Variants in SLC25A21 observed in about 807,000 individuals in gnomAD.
The protein encoded by SLC25A21 is mitochondrial 2-oxodicarboxylate carrier.
A neutral mutation model predicts 43.8 loss-of-function variants in SLC25A21; 47 were observed. The observed-to-expected ratio is 1.07, with a 90% confidence interval of 0.85 to 1.37. The LOEUF is 1.37. Ranked by LOEUF, SLC25A21 falls within the 40% of genes most tolerant of loss-of-function variation. The pLI, the probability that SLC25A21 is intolerant of heterozygous loss-of-function variation, is 0.00. For missense variants in SLC25A21, 352 were observed against 350.2 expected (o/e 1.00, Z -0.04); for synonymous variants, 131 against 121.3 (o/e 1.08, Z -0.52).
chr14:37,053,190 A>C (rs1332705429), intron 1 of SLC25A21, among the ~76,000 whole-genome samples: 1 of 152,228 alleles, frequency 6.6e-6, no homozygotes, highest in African/African-American at 2.4e-5. Flanking sequence ...AAAATAGAGT[A>C]ACATTTAAGA....
At chr14:37,157,909 C>A (rs1448785636) in intron 1 of SLC25A21, among the ~76,000 whole-genome samples, 4 of 152,006 alleles carry the variant, frequency 2.6e-5, no homozygotes, top group Non-Finnish European at 5.9e-5. Context: ...TGAAACATTA[C>A]AACTGATACA....
At chr14:37,117,222 T>G (rs1361561382) in intron 1 of SLC25A21, among the ~76,000 whole-genome samples, 1 of 152,172 alleles carries the variant, frequency 6.6e-6, no homozygotes, top group Non-Finnish European at 1.5e-5. Context: ...GGAGTCTAAG[T>G]AAATAATTCC....
intron 3 of SLC25A21, among the ~76,000 whole-genome samples, chr14:36,750,026 T>C (rs1483119070): frequency 6.6e-6 from 1 of 152,158 alleles, no homozygotes; most frequent in Admixed American, 6.5e-5. Flanking sequence ...TTTACTGATG[T>C]CTCCCCAGGA....
intron 1 of SLC25A21, among the ~76,000 whole-genome samples, chr14:37,067,555 G>A (rs1414452442): frequency 6.6e-6 from 1 of 152,074 alleles, no homozygotes; most frequent in African/African-American, 2.4e-5. Context: ...TATACTACAA[G>A]CGGAAGGAAA....
chr14:36,754,442 C>T (rs1319327694), intron 3 of SLC25A21, among the ~76,000 whole-genome samples: 1 of 152,008 alleles, frequency 6.6e-6, no homozygotes, highest in Non-Finnish European at 1.5e-5. Context: ...CTTCCAAGTA[C>T]ATTAAAGGGG....
At chr14:37,000,993 C>T (rs1461713091) in intron 1 of SLC25A21, among the ~76,000 whole-genome samples, 1 of 152,152 alleles carries the variant, frequency 6.6e-6, no homozygotes, top group Non-Finnish European at 1.5e-5. Context: ...TGAAAACAAA[C>T]TAATACACCT....
At chr14:36,869,762 C>T (rs531679369) in intron 2 of SLC25A21, among the ~76,000 whole-genome samples, 5 of 152,178 alleles carry the variant, frequency 3.3e-5, no homozygotes, top group African/African-American at 1.2e-4. Context: ...ACAGTGGGAC[C>T]CTCCCACACA....
In SLC25A21 at chr14:37,067,499, A is replaced by AT. The variant is rs200650429; in HGVS notation, c.70+104781dup. ...AGCATGTTTTCAGACAAATAAAGAG[A>AT]TTTTTTTTCTATCATCGGACCCTGA... On this transcript the variant is annotated intron_variant, in intron 1 of 9. Transcript: ENST00000331299. 2.0e-3 allele frequency among the ~76,000 whole-genome samples: 298 copies of AT among 152,140 alleles called. 2 individuals carry two copies. The highest frequency in any genetic ancestry group is 6.7e-3 in the African/African-American group (277 of 41,518).
At chr14:36,896,549 T>C (rs953632582) in intron 1 of SLC25A21, among the ~76,000 whole-genome samples, 1 of 152,208 alleles carries the variant, frequency 6.6e-6, no homozygotes, top group Non-Finnish European at 1.5e-5. Context: ...CATTTAAGGT[T>C]AATATTATGT....
intron 3 of SLC25A21, among the ~76,000 whole-genome samples, chr14:36,735,892 ATCAAATTATTC>A (rs1281991099): frequency 7.0e-6 from 1 of 141,874 alleles, no homozygotes; most frequent in Non-Finnish European, 1.5e-5. Context: ...GAAGAAAGGG[ATCAAATTATTC>A]TCTGATATGG....
chr14:37,158,991 T>A (rs1963894879), intron 1 of SLC25A21, among the ~76,000 whole-genome samples: 1 of 151,872 alleles, frequency 6.6e-6, no homozygotes, highest in Non-Finnish European at 1.5e-5. Flanking sequence ...ACTATAGCTA[T>A]AAAACATATA....
chr14:36,764,086 AGG>A lies in SLC25A21; in HGVS notation c.204-29515_204-29514del, dbSNP rs1886283957. Among the ~76,000 whole-genome samples, 13 of 51,818 alleles carry A rather than the reference AGG, an allele frequency of 2.5e-4. 1 individual carries two copies. Among genetic ancestry groups the A allele is most frequent in the African/African-American group, 1.3e-3 (13 of 10,088 alleles). The allele number at this position is 51,818 out of a possible 152,430, so 34.0% of individuals were successfully genotyped here. On this transcript the variant is annotated intron_variant, in intron 3 of 9. Coordinates refer to ENST00000331299, the MANE Select transcript of SLC25A21 (RefSeq NM_030631.4). Reference sequence around the variant, plus strand: ...AAAGAAAGAAAGAAAGAAAGAAGGAAGGAAGGAAGGAAGGAAGGAAGGAAGGA... The same window carrying A: ...AAAGAAAGAAAGAAAGAAAGAAGGAAAAGGAAGGAAGGAAGGAAGGAAGGA...
At chr14:37,165,421 T>C (rs1367668900) in intron 1 of SLC25A21, among the ~76,000 whole-genome samples, 1 of 151,482 alleles carries the variant, frequency 6.6e-6, no homozygotes, top group Non-Finnish European at 1.5e-5. Flanking sequence ...CTGGAAAGGA[T>C]GAAACAGCAA....
intron 1 of SLC25A21, among the ~76,000 whole-genome samples, chr14:36,897,586 C>T (rs534263354): frequency 8.0e-4 from 122 of 152,340 alleles, no homozygotes; most frequent in African/African-American, 2.8e-3. Flanking sequence ...TGAGGAGCTG[C>T]ATTCCTTTGG....
intron 1 of SLC25A21, among the ~76,000 whole-genome samples, chr14:37,021,329 A>C (rs192039753): frequency 6.6e-6 from 1 of 152,138 alleles, no homozygotes. Flanking sequence ...AACCTCTTAC[A>C]CCAAGTAAAT....
chr14:36,923,728 G>T (rs1391288068), intron 1 of SLC25A21, among the ~76,000 whole-genome samples: 2 of 152,012 alleles, frequency 1.3e-5, no homozygotes, highest in African/African-American at 2.4e-5. Flanking sequence ...TCAACCAACT[G>T]CAGAGCAAAA....
Position 36,779,604 on chromosome 14 carries a change from GTATACATATA to G in SLC25A21, c.203+34304_203+34313del, listed in dbSNP as rs1309339854. ...TTTTAAAAGAAAGGAATGTATATGT[GTATACATATA>G]TATATATATATATATATATATATAT... On this transcript the variant is annotated intron_variant, in intron 3 of 9. Transcript: ENST00000331299. Among the ~76,000 whole-genome samples, 452 of 51,892 alleles carry G rather than the reference GTATACATATA, an allele frequency of 8.7e-3. 7 individuals carry two copies. Among genetic ancestry groups the G allele is most frequent in the Admixed American group, 0.077 (328 of 4,270 alleles). 34.0% of individuals were successfully genotyped at this position (51,892 alleles called of 152,430 possible). A position where few individuals can be genotyped will look rare whatever the true frequency, so the allele number is the denominator to read the frequency against.
intron 1 of SLC25A21, among the ~76,000 whole-genome samples, chr14:37,081,794 G>T (rs1962393816): frequency 6.6e-6 from 1 of 152,142 alleles, no homozygotes; most frequent in Non-Finnish European, 1.5e-5. Context: ...ACTATGGAAA[G>T]AATTAAATCA....
chr14:36,793,406 T>C (rs1005624175), intron 3 of SLC25A21, among the ~76,000 whole-genome samples: 1 of 152,068 alleles, frequency 6.6e-6, no homozygotes, highest in African/African-American at 2.4e-5. Flanking sequence ...CTCCAGTTCA[T>C]GCCTCTAAGC....
Sources: gnomAD v4.1 joint callset for allele counts (sites outside exome capture counted in the v4.1 genomes callset) on GRCh38, gnomAD v4.1.1 for gene constraint, MANE v1.5 for transcripts, NCBI Gene and HGNC (gene_info 2026-07-23, HGNC 2026-07-21) for gene names.